Variants in MSH3 observed in about 807,000 individuals in gnomAD.
MSH3 encodes the protein mutS homolog 3.
In MSH3, 106 loss-of-function variants were observed where a neutral mutation model predicts 123.3. The ratio of observed to expected loss-of-function variants is 0.86; its 90% CI spans 0.73 to 1.01. The LOEUF is 1.01. Ranked by LOEUF, MSH3 falls within the 50% of genes least tolerant of loss-of-function variation. The pLI, the probability that MSH3 is intolerant of heterozygous loss-of-function variation, is 0.00. For missense variants in MSH3, 1,459 were observed against 1,347.6 expected (o/e 1.08, Z -1.29); for synonymous variants, 515 against 481.4 (o/e 1.07, Z -0.91).
At chr5:80,657,055 A>G (rs1171681971) in intron 2 of MSH3, among the ~76,000 whole-genome samples, 2 of 152,148 alleles carry the variant, frequency 1.3e-5, no homozygotes, top group African/African-American at 4.8e-5. Flanking sequence ...AAAATTTTGA[A>G]CAATTTTCAG....
intron 3 of MSH3, among the ~76,000 whole-genome samples, chr5:80,667,901 T>C (rs941109246): frequency 1.1e-4 from 16 of 152,120 alleles, no homozygotes; most frequent in Non-Finnish European, 1.9e-4. Context: ...AAGAGATGGG[T>C]TTCAGGCCTG....
intron 8 of MSH3, among the ~76,000 whole-genome samples, chr5:80,699,584 T>C (rs1750563242): frequency 7.1e-6 from 1 of 140,690 alleles, no homozygotes; most frequent in South Asian, 2.3e-4. Flanking sequence ...AAAAAAAAGG[T>C]TGTTGGAGTA....
At chr5:80,861,801 A>G (rs1746017125) in intron 21 of MSH3, among the ~76,000 whole-genome samples, 1 of 151,996 alleles carries the variant, frequency 6.6e-6, no homozygotes, top group Non-Finnish European at 1.5e-5. Flanking sequence ...TTCTGCCTCC[A>G]TTTCAGCTCA....
At chr5:80,754,601 T>C (rs1743891985) in intron 12 of MSH3, among the ~76,000 whole-genome samples, 1 of 152,168 alleles carries the variant, frequency 6.6e-6, no homozygotes, top group African/African-American at 2.4e-5. Flanking sequence ...CCTTTATAAG[T>C]CAAATTAGAT....
intron 8 of MSH3, among the ~76,000 whole-genome samples, chr5:80,714,473 T>C (rs1231566022): frequency 6.6e-6 from 1 of 152,082 alleles, no homozygotes; most frequent in Non-Finnish European, 1.5e-5. Flanking sequence ...GTGATTTGAA[T>C]TTATCATAAC....
chr5:80,716,056 G>A (rs920688033), intron 8 of MSH3, among the ~76,000 whole-genome samples: 3 of 152,164 alleles, frequency 2.0e-5, no homozygotes, highest in Admixed American at 6.5e-5. Flanking sequence ...GAGGGGTAAC[G>A]TGCAGTAGGC....
intron 13 of MSH3, among the ~76,000 whole-genome samples, chr5:80,765,252 T>C (rs191532490): frequency 1.1e-3 from 166 of 152,350 alleles, no homozygotes; most frequent in African/African-American, 3.9e-3. Context: ...ACAATAATCA[T>C]AAGAGGTTAA....
At chr5:80,671,896 C>T (rs1749733388) in intron 4 of MSH3, among the ~76,000 whole-genome samples, 1 of 152,144 alleles carries the variant, frequency 6.6e-6, no homozygotes. Context: ...TTTGCACATG[C>T]CATGTAGCAA....
chr5:80,693,909 C>T (rs1750410473), intron 8 of MSH3, among the ~76,000 whole-genome samples: 1 of 152,176 alleles, frequency 6.6e-6, no homozygotes, highest in African/African-American at 2.4e-5. Context: ...ATCCTCCTGC[C>T]TTGGCCTCCC....
chr5:80,677,941 A>G (rs182215548), intron 7 of MSH3, among the ~76,000 whole-genome samples: 1 of 152,150 alleles, frequency 6.6e-6, no homozygotes, highest in Non-Finnish European at 1.5e-5. Context: ...GCTGCTGTAA[A>G]TATTTTTGTA....
chr5:80,852,333 AAAAAC>A (rs1239003927), intron 20 of MSH3, among the ~76,000 whole-genome samples: 2 of 152,146 alleles, frequency 1.3e-5, no homozygotes, highest in African/African-American at 2.4e-5. Flanking sequence ...CTCAAAAACA[AAAAAC>A]AAAACAAAAA....
chr5:80,866,331 C>T (rs1164657634), intron 22 of MSH3, among the ~76,000 whole-genome samples: 1 of 152,080 alleles, frequency 6.6e-6, no homozygotes, highest in Non-Finnish European at 1.5e-5. Context: ...TAGAGACAGG[C>T]TCTCACTATG....
chr5:80,659,674 C>T (rs564145028), intron 2 of MSH3, among the ~76,000 whole-genome samples: 3 of 152,052 alleles, frequency 2.0e-5, no homozygotes, highest in South Asian at 2.1e-4. Context: ...AGTATACAGC[C>T]CAGGGGTATT....
At chr5:80,675,268 A>G (rs1172512379) in intron 7 of MSH3, 140 bp downstream of exon 7, 23 of 1,012,552 alleles carry the variant, frequency 2.3e-5, no homozygotes, top group Non-Finnish European at 3.4e-5. Context: ...TTTTCTCACA[A>G]TATTATATGT....
chr5:80,722,948 T>C (rs1435603296), intron 8 of MSH3, among the ~76,000 whole-genome samples: 1 of 151,866 alleles, frequency 6.6e-6, no homozygotes, highest in Non-Finnish European at 1.5e-5. Context: ...CTACTAAAAA[T>C]ACAAAAAAAT....
intron 8 of MSH3, among the ~76,000 whole-genome samples, chr5:80,719,908 G>A (rs1042175995): frequency 4.6e-5 from 7 of 152,172 alleles, no homozygotes; most frequent in Admixed American, 1.3e-4. Context: ...TTGTTAAAGC[G>A]CCGAGTACTG....
chr5:80,745,439 C>T lies in MSH3; in HGVS notation c.1763+824C>T, dbSNP rs776373420. Reference sequence around the variant, plus strand: ...TTTACTGGTGTTTAATACTCAAAATCACCTTCTGAGATAGGTTCTTGAAAT... The same window carrying T: ...TTTACTGGTGTTTAATACTCAAAATTACCTTCTGAGATAGGTTCTTGAAAT... On this transcript the variant is annotated intron_variant, in intron 12 of 23. Coordinates refer to ENST00000265081, the MANE Select transcript of MSH3 (RefSeq NM_002439.5). Among the ~76,000 whole-genome samples, 165 of 152,328 alleles carry T rather than the reference C, an allele frequency of 1.1e-3. 3 individuals carry two copies. Among genetic ancestry groups the T allele is most frequent in the Non-Finnish European group, 3.1e-4 (21 of 68,034 alleles).
intron 20 of MSH3, among the ~76,000 whole-genome samples, chr5:80,824,882 CT>C (rs1181869547): frequency 1.3e-5 from 2 of 152,112 alleles, no homozygotes; most frequent in Non-Finnish European, 2.9e-5. Flanking sequence ...TCCTTGATTT[CT>C]TTAACCTCTG....
chr5:80,819,916 G>A (rs1188267545), intron 20 of MSH3, among the ~76,000 whole-genome samples: 32 of 152,204 alleles, frequency 2.1e-4, no homozygotes, highest in Admixed American at 2.1e-3. Context: ...TTCTTACTGA[G>A]TATGCCAAGA....
Sources: allele counts gnomAD v4.1 joint callset (sites outside exome capture counted in the v4.1 genomes callset), GRCh38; gene constraint gnomAD v4.1.1; transcripts MANE v1.5; gene names NCBI Gene and HGNC (gene_info 2026-07-23, HGNC 2026-07-21).